PSD3: variants seen among roughly 807,000 people sequenced by gnomAD.
PSD3 encodes the protein pleckstrin and Sec7 domain containing 3.
A neutral mutation model predicts 105.5 loss-of-function variants in PSD3; 49 were observed. The observed-to-expected ratio is 0.46, with a 90% confidence interval of 0.37 to 0.59. The LOEUF is 0.59. PSD3 is among the 20% of genes least tolerant of loss of function. The pLI, the probability that PSD3 is intolerant of heterozygous loss-of-function variation, is 0.00. For missense variants in PSD3, 1,561 were observed against 1,263.8 expected (o/e 1.24, Z -3.57); for synonymous variants, 557 against 457.8 (o/e 1.22, Z -2.77).
rs552034698 is a variant in PSD3 at position 18,944,719 on chromosome 8, T to G, written c.22-8577A>C. ...TAAATATCTTGTTTCACACCAAACT[T>G]TCAATTTATAATTTTATTTATTTTT... On this transcript the variant is annotated intron_variant, in intron 1 of 15. Transcript: ENST00000327040. 3.8e-4 allele frequency among the ~76,000 whole-genome samples: 58 copies of G among 152,266 alleles called. No individual in the cohort carries two copies. In the South Asian group the frequency reaches 0.011, roughly 30 times the overall value.
intron 14 of PSD3, among the ~76,000 whole-genome samples, chr8:18,558,942 T>G (rs1563320937): frequency 6.6e-6 from 1 of 152,238 alleles, no homozygotes; most frequent in East Asian, 1.9e-4. Context: ...AAGATTTATC[T>G]ACATGTATGC....
At chr8:18,538,218 T>C (rs1017100846) in intron 15 of PSD3, among the ~76,000 whole-genome samples, 1 of 152,248 alleles carries the variant, frequency 6.6e-6, no homozygotes, top group African/African-American at 2.4e-5. Context: ...TCAAGTATTG[T>C]TATTTGCAGT....
At chr8:18,694,534 C>A (rs374875414) in intron 9 of PSD3, among the ~76,000 whole-genome samples, 8 of 150,464 alleles carry the variant, frequency 5.3e-5, no homozygotes, top group African/African-American at 7.3e-5. Context: ...GGCGTGAACC[C>A]GGGAGGCAGA....
At chr8:18,985,317 A>C (rs965001547) in intron 1 of PSD3, among the ~76,000 whole-genome samples, 1 of 152,128 alleles carries the variant, frequency 6.6e-6, no homozygotes, top group African/African-American at 2.4e-5. Flanking sequence ...TAAAATTATG[A>C]GCCTTTGGAG....
rs79054350 is a variant in PSD3 at position 18,799,679 on chromosome 8, A to G, written c.2024-326T>C. 0.017 allele frequency among the ~76,000 whole-genome samples: 2,525 copies of G among 152,170 alleles called. 136 individuals carry two copies. The East Asian group carries it at 0.17, about 10-fold the overall frequency. On this transcript the variant is annotated intron_variant, in intron 7 of 15. Transcript: ENST00000327040. The stretch of plus-strand genomic sequence containing the variant: ...ACTACAGCAATAATTAGTGATCTAT[A>G]CATAGTACAAGGATATCCAGACAAG...
chr8:18,652,359 T>C (rs1431135649), intron 10 of PSD3, among the ~76,000 whole-genome samples: 1 of 152,058 alleles, frequency 6.6e-6, no homozygotes, highest in East Asian at 1.9e-4. Flanking sequence ...AAAGTGTCCA[T>C]CTAACGCTAA....
At chr8:18,893,580 C>G (rs947038477) in intron 2 of PSD3, among the ~76,000 whole-genome samples, 1 of 152,050 alleles carries the variant, frequency 6.6e-6, no homozygotes, top group Admixed American at 6.6e-5. Flanking sequence ...TATCATTCCA[C>G]CTCTCTGTAG....
chr8:18,639,572 A>G (rs1373268677), intron 10 of PSD3, among the ~76,000 whole-genome samples: 1 of 152,192 alleles, frequency 6.6e-6, no homozygotes, highest in African/African-American at 2.4e-5. Context: ...TCCTTATTAA[A>G]GAAAGAAATC....
intron 4 of PSD3, among the ~76,000 whole-genome samples, chr8:18,805,143 G>T (rs1811090969): frequency 6.6e-6 from 1 of 152,062 alleles, no homozygotes; most frequent in Non-Finnish European, 1.5e-5. Context: ...TTCTTAGAAG[G>T]ACTCCATACG....
At chr8:18,694,291 T>G (rs1483389849) in intron 9 of PSD3, among the ~76,000 whole-genome samples, 1 of 152,180 alleles carries the variant, frequency 6.6e-6, no homozygotes, top group African/African-American at 2.4e-5. Context: ...GAAAACATTC[T>G]ACAAAACTCA....
intron 9 of PSD3, among the ~76,000 whole-genome samples, chr8:18,696,332 A>T (rs1801260301): frequency 6.6e-6 from 1 of 152,228 alleles, no homozygotes; most frequent in African/African-American, 2.4e-5. Flanking sequence ...CGTATGACAA[A>T]CACTATTAGA....
intron 4 of PSD3, chr8:18,808,798 G>C (rs543862015): frequency 5.0e-6 from 8 of 1,613,822 alleles, no homozygotes; most frequent in Non-Finnish European, 6.8e-6. Context: ...GCAACCCCTG[G>C]GGTGCGCCTG....
intron 1 of PSD3, among the ~76,000 whole-genome samples, chr8:18,946,264 T>C (rs1822848932): frequency 6.6e-6 from 1 of 152,172 alleles, no homozygotes; most frequent in Non-Finnish European, 1.5e-5. Flanking sequence ...CTAGCATGTG[T>C]AGCATTTTTT....
At chr8:18,592,554 G>A (rs917099679) in intron 12 of PSD3, among the ~76,000 whole-genome samples, 1 of 152,110 alleles carries the variant, frequency 6.6e-6, no homozygotes, top group East Asian at 1.9e-4. Context: ...TGGGACCAAT[G>A]ACCAAATTAT....
intron 2 of PSD3, among the ~76,000 whole-genome samples, chr8:18,910,652 A>G (rs1435563278): frequency 1.3e-5 from 2 of 149,792 alleles, no homozygotes; most frequent in African/African-American, 2.4e-5. Context: ...AAAAAAAAAA[A>G]AAAAAAAGAA....
At chr8:18,966,335 C>G (rs999925548) in intron 1 of PSD3, among the ~76,000 whole-genome samples, 1 of 152,000 alleles carries the variant, frequency 6.6e-6, no homozygotes, top group African/African-American at 2.4e-5. Flanking sequence ...TTTGGGAGGC[C>G]GAGGCAGGTG....
chr8:18,610,382 G>A (rs796815213), intron 11 of PSD3, among the ~76,000 whole-genome samples: 10 of 152,272 alleles, frequency 6.6e-5, no homozygotes, highest in African/African-American at 2.4e-4. Flanking sequence ...TGTTCGAACT[G>A]TATTCAAATA....
intron 1 of PSD3, among the ~76,000 whole-genome samples, chr8:19,030,884 C>A (rs918626115): frequency 6.6e-6 from 1 of 152,174 alleles, no homozygotes; most frequent in Non-Finnish European, 1.5e-5. Context: ...GCTGCTTTCT[C>A]TTTCAAGTCC....
At chr8:18,538,556 A>G (rs1357136269) in intron 15 of PSD3, among the ~76,000 whole-genome samples, 2 of 152,252 alleles carry the variant, frequency 1.3e-5, no homozygotes, top group African/African-American at 4.8e-5. Flanking sequence ...TCTAAAGGTA[A>G]GTTTAAAAAT....
Sources: gnomAD v4.1 joint callset for allele counts (sites outside exome capture counted in the v4.1 genomes callset) on GRCh38, gnomAD v4.1.1 for gene constraint, MANE v1.5 for transcripts, NCBI Gene and HGNC (gene_info 2026-07-23, HGNC 2026-07-21) for gene names.